The following DSCAML1 variants were observed in gnomAD, a reference collection of about 807,000 sequenced individuals.
DSCAML1 encodes cell adhesion molecule DSCAML1.
In DSCAML1, 38 loss-of-function variants were observed where a neutral mutation model predicts 200.5. The ratio of observed to expected loss-of-function variants is 0.19; its 90% confidence interval spans 0.15 to 0.25. DSCAML1 has a LOEUF of 0.25. DSCAML1 is among the 10% of genes least tolerant of loss of function. The pLI, the probability that DSCAML1 is intolerant of heterozygous loss-of-function variation, is 1.00. For missense variants in DSCAML1, 2,223 were observed against 2,858.8 expected (o/e 0.78, Z 5.07); for synonymous variants, 1,215 against 1,165.0 (o/e 1.04, Z -0.87).
chr11:117,587,959 T>G (rs2051182718), intron 3 of DSCAML1, among the ~76,000 whole-genome samples: 1 of 152,134 alleles, frequency 6.6e-6, no homozygotes, highest in Non-Finnish European at 1.5e-5. Flanking sequence ...GGTGATGCCA[T>G]CACTTTAAAC....
intron 3 of DSCAML1, among the ~76,000 whole-genome samples, chr11:117,560,650 TG>T (rs1462456781): frequency 6.6e-6 from 1 of 152,134 alleles, no homozygotes; most frequent in Non-Finnish European, 1.5e-5. Flanking sequence ...CTTGCCAGGG[TG>T]GCAGAAATCT....
At chr11:117,666,620 A>G (rs920201128) in intron 3 of DSCAML1, among the ~76,000 whole-genome samples, 5 of 152,152 alleles carry the variant, frequency 3.3e-5, no homozygotes, top group African/African-American at 1.2e-4. Context: ...GTTCTGCAGA[A>G]CAGCCTCAGC....
At chr11:117,706,874 G>A (rs1356496500) in intron 3 of DSCAML1, among the ~76,000 whole-genome samples, 1 of 152,200 alleles carries the variant, frequency 6.6e-6, no homozygotes, top group African/African-American at 2.4e-5. Context: ...CAGGTTAACA[G>A]CCCTGGCTTT....
intron 3 of DSCAML1, among the ~76,000 whole-genome samples, chr11:117,757,769 T>C (rs889776762): frequency 2.6e-5 from 4 of 151,900 alleles, no homozygotes; most frequent in Admixed American, 1.3e-4. Flanking sequence ...GGCGGGCGGA[T>C]CACCTGAGGT....
intron 3 of DSCAML1, among the ~76,000 whole-genome samples, chr11:117,775,986 A>G (rs1367279277): frequency 1.3e-5 from 2 of 152,168 alleles, no homozygotes; most frequent in Non-Finnish European, 1.5e-5. Context: ...TGGGTAGAGA[A>G]AGGAAGAAAA....
chr11:117,748,177 A>G (rs144136669), intron 3 of DSCAML1, among the ~76,000 whole-genome samples: 182 of 152,328 alleles, frequency 1.2e-3, no homozygotes, highest in Non-Finnish European at 2.1e-3. Flanking sequence ...GTGAAGACAG[A>G]GCAAGAACAC....
chr11:117,556,667 A>G (rs1177671428), intron 3 of DSCAML1, among the ~76,000 whole-genome samples: 2 of 152,140 alleles, frequency 1.3e-5, no homozygotes, highest in Non-Finnish European at 2.9e-5. Context: ...ACTCGGTCTG[A>G]TGGTACAGCT....
intron 3 of DSCAML1, among the ~76,000 whole-genome samples, chr11:117,549,463 A>G (rs1330671759): frequency 6.6e-6 from 1 of 152,232 alleles, no homozygotes; most frequent in Admixed American, 6.5e-5. Flanking sequence ...GAAGTCAGAT[A>G]GACTTCCGTT....
chr11:117,660,330 C>A (rs2052821112), intron 3 of DSCAML1, among the ~76,000 whole-genome samples: 1 of 152,230 alleles, frequency 6.6e-6, no homozygotes, highest in Non-Finnish European at 1.5e-5. Context: ...GTTGAGGAGC[C>A]AGACCTAAAT....
In DSCAML1 at chr11:117,435,299, C is replaced by T. The variant is rs1004772924; in HGVS notation, c.4876+345G>A. 6.6e-5 allele frequency among the ~76,000 whole-genome samples: 10 copies of T among 152,284 alleles called. No homozygotes were observed. The East Asian group carries it at 7.7e-4, about 12-fold the overall frequency. ...GGTCCTAGGAAAGTTGCAGGGATCC[C>T]GTGAGAGGGGATGAAGCATCCAGTG... On this transcript the variant is annotated intron_variant, in intron 27 of 32. Coordinates refer to ENST00000651296, the MANE Select transcript of DSCAML1 (RefSeq NM_020693.4).
chr11:117,693,049 T>C (rs1257761536), intron 3 of DSCAML1, among the ~76,000 whole-genome samples: 4 of 152,210 alleles, frequency 2.6e-5, no homozygotes, highest in African/African-American at 9.6e-5. Context: ...TGGGCTCTGA[T>C]GTGGTCTGAA....
intron 3 of DSCAML1, among the ~76,000 whole-genome samples, chr11:117,720,162 C>A (rs143427629): frequency 2.7e-4 from 41 of 152,226 alleles, no homozygotes; most frequent in African/African-American, 9.9e-4. Flanking sequence ...CTCAGCCCAG[C>A]GCCCCCCGCC....
intron 8 of DSCAML1, among the ~76,000 whole-genome samples, chr11:117,506,020 C>T (rs1360090063): frequency 6.6e-6 from 1 of 152,232 alleles, no homozygotes; most frequent in Admixed American, 6.5e-5. Flanking sequence ...CTGCTGATCT[C>T]TGCTCACCTT....
intron 3 of DSCAML1, among the ~76,000 whole-genome samples, chr11:117,607,097 G>A (rs1316265791): frequency 1.4e-4 from 21 of 152,240 alleles, no homozygotes; most frequent in Admixed American, 1.4e-3. Flanking sequence ...AAGAGGCACA[G>A]CAGCTGGGGG....
At chr11:117,802,504 T>C (rs1466431867) in intron 1 of DSCAML1, among the ~76,000 whole-genome samples, 1 of 152,214 alleles carries the variant, frequency 6.6e-6, no homozygotes, top group Non-Finnish European at 1.5e-5. Context: ...CTCATTCTTA[T>C]AAGGTAGCAG....
At chr11:117,704,127 A>AGGAG (rs965870384) in intron 3 of DSCAML1, among the ~76,000 whole-genome samples, 5 of 113,894 alleles carry the variant, frequency 4.4e-5, no homozygotes, top group African/African-American at 1.3e-4. Context: ...GAAGGAAGGG[A>AGGAG]GGAGGGAGGG....
intron 3 of DSCAML1, among the ~76,000 whole-genome samples, chr11:117,697,848 T>C (rs2053609619): frequency 6.6e-6 from 1 of 151,760 alleles, no homozygotes; most frequent in African/African-American, 2.4e-5. Context: ...CTTGGCTCAC[T>C]GCAACCTCCA....
At chr11:117,811,456 A>G (rs2055759698) in intron 1 of DSCAML1, among the ~76,000 whole-genome samples, 1 of 152,226 alleles carries the variant, frequency 6.6e-6, no homozygotes, top group Non-Finnish European at 1.5e-5. Context: ...CCACTGTGAG[A>G]CAAACCCCAG....
chr11:117,799,823 C>T (rs912023573), upstream of DSCAML1, among the ~76,000 whole-genome samples: 5 of 152,238 alleles, frequency 3.3e-5, no homozygotes, highest in Admixed American at 2.6e-4. Flanking sequence ...AAGACAAGCC[C>T]CATGGCTGAC....
Sources: gnomAD v4.1 joint callset for allele counts (sites outside exome capture counted in the v4.1 genomes callset) on GRCh38, gnomAD v4.1.1 for gene constraint, MANE v1.5 for transcripts, NCBI Gene and HGNC (gene_info 2026-07-23, HGNC 2026-07-21) for gene names.